NCAM2: variants seen among roughly 807,000 people sequenced by gnomAD.
The protein encoded by NCAM2 is neural cell adhesion molecule 2.
A neutral mutation model predicts 98.1 loss-of-function variants in NCAM2; 30 were observed. That is an observed-to-expected ratio of 0.31 (90% CI 0.23 to 0.41). NCAM2 has a LOEUF of 0.41. NCAM2 is among the 10% of genes least tolerant of loss of function. The pLI, the probability that NCAM2 is intolerant of heterozygous loss-of-function variation, is 1.00. For synonymous variants in NCAM2, 368 were observed against 342.4 expected, an observed-to-expected ratio of 1.07 and a Z score of -0.83; for missense variants, 867 against 1,005.8, an observed-to-expected ratio of 0.86 and a Z score of 1.87.
At chr21:21,076,548 A>G (rs8129849) in intron 1 of NCAM2, among the ~76,000 whole-genome samples, 5,636 of 152,008 alleles carry the variant, frequency 0.037, 325 homozygotes, top group African/African-American at 0.13. Flanking sequence ...TTTTTTCTCT[A>G]ATCGTCATTT....
chr21:21,274,165 G>A (rs1302760436), intron 1 of NCAM2, among the ~76,000 whole-genome samples: 23 of 136,226 alleles, frequency 1.7e-4, no homozygotes, highest in Admixed American at 6.6e-4. Flanking sequence ...AACTCTGTCT[G>A]AAAAAAAAAA....
At chr21:21,022,287 C>T (rs1158131880) in intron 1 of NCAM2, among the ~76,000 whole-genome samples, 1 of 151,958 alleles carries the variant, frequency 6.6e-6, no homozygotes, top group Non-Finnish European at 1.5e-5. Context: ...TTATTGGAAA[C>T]TTAATGAAGA....
At chr21:21,288,673 ATAT>A (rs1400598234) in intron 4 of NCAM2, among the ~76,000 whole-genome samples, 10 of 152,032 alleles carry the variant, frequency 6.6e-5, no homozygotes, top group Non-Finnish European at 1.3e-4. Context: ...ATATGAAATA[ATAT>A]TATTCACTGC....
intron 1 of NCAM2, chr21:21,226,621 G>A (rs1020959063): frequency 1.1e-4 from 16 of 152,206 alleles, no homozygotes; most frequent in African/African-American, 2.9e-4. Flanking sequence ...AAAGCCAACT[G>A]CCCTGATGAG....
intron 1 of NCAM2, among the ~76,000 whole-genome samples, chr21:21,198,190 G>A (rs1207189903): frequency 4.1e-4 from 2 of 4,822 alleles, no homozygotes; most frequent in Non-Finnish European, 2.0e-3. Flanking sequence ...GTATATGTGT[G>A]TGTGTGTGTG....
chr21:21,331,568 C>T (rs232372), intron 6 of NCAM2, among the ~76,000 whole-genome samples: 21 of 116 alleles, frequency 0.18, 8 homozygotes, highest in South Asian at 0.5. Flanking sequence ...ACTCTATATA[C>T]ATATATATAT....
intron 16 of NCAM2, among the ~76,000 whole-genome samples, chr21:21,516,439 A>G (rs1018980717): frequency 5.9e-5 from 9 of 152,134 alleles, no homozygotes; most frequent in African/African-American, 2.2e-4. Flanking sequence ...GAAACGCCAT[A>G]TGCCAACTGA....
At chr21:21,514,386 G>C (rs375017457) in intron 16 of NCAM2, among the ~76,000 whole-genome samples, 3 of 145,556 alleles carry the variant, frequency 2.1e-5, no homozygotes, top group Non-Finnish European at 4.5e-5. Context: ...TGAGGCAGGA[G>C]AATCACTTGA....
chr21:21,149,027 GTATA>G (rs1014994800), intron 1 of NCAM2, among the ~76,000 whole-genome samples: 1 of 152,028 alleles, frequency 6.6e-6, no homozygotes. Context: ...TAAAAATACT[GTATA>G]TATGTGGTTC....
chr21:21,130,344 G>T (rs1186576020), intron 1 of NCAM2, among the ~76,000 whole-genome samples: 1 of 152,066 alleles, frequency 6.6e-6, no homozygotes, highest in Non-Finnish European at 1.5e-5. Context: ...TTTATTAAAT[G>T]TAGTTAATAA....
intron 5 of NCAM2, among the ~76,000 whole-genome samples, chr21:21,307,290 C>T (rs2826783): frequency 0.42 from 63,980 of 151,922 alleles, 14,726 homozygotes; most frequent in Non-Finnish European, 0.53. Context: ...TATTTTAGTA[C>T]GTGGTTTTCA....
chr21:21,496,177 T>A (rs955245192), intron 15 of NCAM2, among the ~76,000 whole-genome samples: 2 of 151,856 alleles, frequency 1.3e-5, no homozygotes, highest in Non-Finnish European at 2.9e-5. Flanking sequence ...TTTTAAGTTA[T>A]TTGGGAAATC....
At chr21:21,293,435 C>G (rs995393233) in intron 5 of NCAM2, among the ~76,000 whole-genome samples, 1 of 151,686 alleles carries the variant, frequency 6.6e-6, no homozygotes, top group African/African-American at 2.4e-5. Context: ...CTTTTCATGG[C>G]ATAGAAAACC....
At chr21:21,376,208 T>A (rs1300466751) in intron 9 of NCAM2, among the ~76,000 whole-genome samples, 3 of 151,858 alleles carry the variant, frequency 2.0e-5, no homozygotes, top group Non-Finnish European at 4.4e-5. Flanking sequence ...TCTCCAGAGA[T>A]GCCCTGGGAT....
At chr21:21,196,988 A>G (rs2069027766) in intron 1 of NCAM2, among the ~76,000 whole-genome samples, 1 of 152,098 alleles carries the variant, frequency 6.6e-6, no homozygotes, top group African/African-American at 2.4e-5. Flanking sequence ...CAACCATGTG[A>G]GATACACCTG....
chr21:21,307,764 A>G (rs185633721), intron 5 of NCAM2, among the ~76,000 whole-genome samples: 76 of 152,064 alleles, frequency 5.0e-4, no homozygotes, highest in African/African-American at 1.8e-3. Context: ...GTTAAATCCA[A>G]CCCATACTTG....
At chr21:21,399,644 G>C (rs1054180218) in intron 9 of NCAM2, among the ~76,000 whole-genome samples, 2 of 151,896 alleles carry the variant, frequency 1.3e-5, no homozygotes, top group African/African-American at 4.8e-5. Flanking sequence ...ATTGTATATC[G>C]TGAGTTTTAT....
At chr21:21,038,224 A>G (rs2146250470) in intron 1 of NCAM2, among the ~76,000 whole-genome samples, 1 of 152,338 alleles carries the variant, frequency 6.6e-6, no homozygotes, top group African/African-American at 2.4e-5. Context: ...CATAAGAATG[A>G]TACAGATATA....
chr21:21,293,361 C>T (rs895485559), intron 5 of NCAM2, among the ~76,000 whole-genome samples: 2 of 151,614 alleles, frequency 1.3e-5, no homozygotes, highest in Non-Finnish European at 2.9e-5. Context: ...TTCTCTCCAC[C>T]AAGACTTTCA....
Sources: allele counts gnomAD v4.1 joint callset (sites outside exome capture counted in the v4.1 genomes callset), GRCh38; gene constraint gnomAD v4.1.1; transcripts MANE v1.5; gene names NCBI Gene and HGNC (gene_info 2026-07-23, HGNC 2026-07-21).